The following ODR4 variants were observed in gnomAD, a reference collection of about 807,000 sequenced individuals.
The protein encoded by ODR4 is odr-4 GPCR localization factor homolog.
A neutral mutation model predicts 60.2 loss-of-function variants in ODR4; 47 were observed. The observed-to-expected ratio is 0.78, with a 90% CI of 0.62 to 1.00. ODR4 has a LOEUF of 1.00. Ranked by LOEUF, ODR4 falls within the 50% of genes least tolerant of loss-of-function variation. The pLI is 0.00. For missense variants in ODR4, 488 were observed against 530.8 expected, an observed-to-expected ratio of 0.92 and a Z score of 0.79; for synonymous variants, 178 against 175.5, an observed-to-expected ratio of 1.01 and a Z score of -0.11.
In ODR4 at chr1:186,389,642, TA is replaced by T; in HGVS notation, c.474+21del. On this transcript the variant is annotated intron_variant, in intron 6 of 13. Coordinates refer to ENST00000287859, the MANE Select transcript of ODR4 (RefSeq NM_017847.6). Reference sequence around the variant, plus strand: ...ATCCAAAGGTAAGAAATTTACTCTTTAAAGATTTTTCTGTGTCACAAAGTAT... The same window carrying T: ...ATCCAAAGGTAAGAAATTTACTCTTTAAGATTTTTCTGTGTCACAAAGTAT... 6.8e-7 allele frequency: 1 copy of T among 1,460,896 alleles called. No homozygotes were observed. The highest frequency in any genetic ancestry group is 9.3e-7 in the Non-Finnish European group (1 of 1,078,654). The allele number at this position is 1,460,896 out of a possible 1,614,324, so 90.5% of individuals were successfully genotyped here. A position where few individuals can be genotyped will look rare whatever the true frequency, so the allele number is the denominator to read the frequency against.
chr1:186,390,044 G>A (rs1307418352), intron 6 of ODR4, among the ~76,000 whole-genome samples: 1 of 152,156 alleles, frequency 6.6e-6, no homozygotes, highest in African/African-American at 2.4e-5. Context: ...GGGCTCAAGT[G>A]ATCTGCCTGT....
At chr1:186,413,909 G>T (rs1416718803) in intron 12 of ODR4, among the ~76,000 whole-genome samples, 1 of 152,088 alleles carries the variant, frequency 6.6e-6, no homozygotes, top group Non-Finnish European at 1.5e-5. Context: ...CACAGCCCTT[G>T]TTTTCTCTCT....
chr1:186,386,012 CT>C lies in ODR4; in HGVS notation c.263del (p.Leu88Ter). On this transcript the variant is annotated frameshift_variant, in exon 4 of 14. Coordinates refer to ENST00000287859, the MANE Select transcript of ODR4 (RefSeq NM_017847.6). LOFTEE classifies it high-confidence loss of function. ...GGTATCCAGAATGCTACCAGGGGGA[CT>C]TTTAGTTCTTGGAGTATTTATTATT... ...CQVSRMLPGGLLVLGVFIITT... is the reference protein window; with the variant it reads ...CQVSRMLPGGXLVLGVFIITT... The C allele has an allele frequency of 6.2e-7, 1 of 1,602,286 alleles. No individual in the cohort carries two copies. Among genetic ancestry groups the C allele is most frequent in the Non-Finnish European group, 8.5e-7 (1 of 1,172,378 alleles).
At chr1:186,427,453 C>A in the ODR4 span, among the ~76,000 whole-genome samples, 1 of 152,122 alleles carries the variant, frequency 6.6e-6, no homozygotes, top group Non-Finnish European at 1.5e-5. Context: ...ATCATGATAT[C>A]GCACCAATTT....
At chr1:186,431,896 G>A in the ODR4 span, among the ~76,000 whole-genome samples, 23 of 152,282 alleles carry the variant, frequency 1.5e-4, no homozygotes, top group East Asian at 3.1e-3. Flanking sequence ...CAAGCTGGGA[G>A]TGGGCAGGAA....
At chr1:186,403,943 C>T (rs1661080487) in intron 11 of ODR4, among the ~76,000 whole-genome samples, 1 of 152,164 alleles carries the variant, frequency 6.6e-6, no homozygotes, top group Non-Finnish European at 1.5e-5. Flanking sequence ...TGATTCCACT[C>T]TCTGAATGGC....
At position 186,375,932 on chromosome 1, in the gene ODR4, G is replaced by T. The variant is rs111555426; in HGVS notation, c.-62G>T. On this transcript the variant is annotated 5_prime_UTR_variant, in exon 1 of 14. Coordinates refer to ENST00000287859, the MANE Select transcript of ODR4 (RefSeq NM_017847.6). ...AACCCCCATCTCCGGCGGAGAGACC[G>T]TCCGAGGTAATTGTCTGCCACGAGT... The T allele has an allele frequency of 5.1e-3, 1,107 of 216,288 alleles. 20 individuals carry two copies. Among genetic ancestry groups the T allele is most frequent in the African/African-American group, 0.024 (1,057 of 44,554 alleles). The allele number at this position is 216,288 out of a possible 1,614,324, so 13.4% of individuals were successfully genotyped here.
intron 12 of ODR4, among the ~76,000 whole-genome samples, chr1:186,412,333 T>C (rs2102085483): frequency 6.6e-6 from 1 of 152,292 alleles, no homozygotes; most frequent in African/African-American, 2.4e-5. Flanking sequence ...AGAGGCACTG[T>C]CTCTGTAAGG....
rs753736780 is a variant in ODR4, at chr1:186,389,606, T to C, written c.456T>C (p.Tyr152=). The C allele has an allele frequency of 2.6e-6, 4 of 1,539,716 alleles. No individual in the cohort carries two copies. The highest frequency in any genetic ancestry group is 1.4e-5 in the African/African-American group (1 of 71,970). The part of the protein sequence containing the change: ...ASTKKIFCRT[Y]DIHDPKSSAR... ...AGTGAAGAATATTTTGTCGAACTTATGATATCCATGATCCAAAGGTAAGAA... is the reference window on the plus strand; with the variant it reads ...AGTGAAGAATATTTTGTCGAACTTACGATATCCATGATCCAAAGGTAAGAA... The change falls in exon 6 of 14, where the codon TAT becomes TAC. Residue 152 remains tyrosine (Y), a synonymous_variant. Transcript: ENST00000287859.
chr1:186,383,268 G>A, intron 3 of ODR4, 112 bp downstream of exon 3: 1 of 1,189,240 alleles, frequency 8.4e-7, no homozygotes, highest in Non-Finnish European at 1.1e-6. Context: ...AGTAGCTAAA[G>A]ATGACTGAGA....
At chr1:186,393,798 A>C in intron 8 of ODR4, 149 bp from the exon 9 acceptor site, 2 of 586,932 alleles carry the variant, frequency 3.4e-6, no homozygotes, top group Non-Finnish European at 6.1e-6. Flanking sequence ...CAGAATACAT[A>C]AAGTAATATC....
Position 186,389,642 on chromosome 1 carries a change from T to C in ODR4, c.474+18T>C, listed in dbSNP as rs1199401308. The C allele has an allele frequency of 2.1e-6, 3 of 1,460,896 alleles. No homozygotes were observed. The East Asian group carries it at 7.2e-5, about 35-fold the overall frequency. 90.5% of individuals were successfully genotyped at this position (1,460,896 alleles called of 1,614,324 possible). A position where few individuals can be genotyped will look rare whatever the true frequency, so the allele number is the denominator to read the frequency against. Reference sequence around the variant, plus strand: ...ATCCAAAGGTAAGAAATTTACTCTTTAAAGATTTTTCTGTGTCACAAAGTA... The same window carrying C: ...ATCCAAAGGTAAGAAATTTACTCTTCAAAGATTTTTCTGTGTCACAAAGTA... On this transcript the variant is annotated intron_variant, in intron 6 of 13. Coordinates refer to ENST00000287859, the MANE Select transcript of ODR4 (RefSeq NM_017847.6).
At chr1:186,386,124 T>A in intron 4 of ODR4, 41 bp downstream of exon 4, 1 of 1,175,234 alleles carries the variant, frequency 8.5e-7, no homozygotes, top group Non-Finnish European at 1.2e-6. Flanking sequence ...AAATCAGTTA[T>A]ATGTTATTTT....
chr1:186,418,106 G>C (rs947906205), intron 13 of ODR4, among the ~76,000 whole-genome samples: 2 of 152,126 alleles, frequency 1.3e-5, no homozygotes, highest in African/African-American at 4.8e-5. Flanking sequence ...GGAACATGCA[G>C]ACTATTGTTT....
chr1:186,391,500 CTA>C (rs1374511320), intron 7 of ODR4, among the ~76,000 whole-genome samples, 194 bp from the exon 8 acceptor site: 1 of 150,938 alleles, frequency 6.6e-6, no homozygotes, highest in East Asian at 2.0e-4. Flanking sequence ...CAGAAAATAA[CTA>C]TTATTAAATA....
At chr1:186,396,647 A>G (rs964758696) in intron 9 of ODR4, among the ~76,000 whole-genome samples, 7 of 151,970 alleles carry the variant, frequency 4.6e-5, no homozygotes, top group Non-Finnish European at 4.4e-5. Context: ...AACCAAAAAA[A>G]TACCTCTTTT....
At chr1:186,404,560 A>G (rs575585663) in intron 11 of ODR4, among the ~76,000 whole-genome samples, 2 of 152,342 alleles carry the variant, frequency 1.3e-5, no homozygotes, top group East Asian at 1.9e-4. Context: ...ATAAAATAAT[A>G]TAGTCCTAAT....
chr1:186,379,310 G>A (rs564415467), intron 1 of ODR4, among the ~76,000 whole-genome samples: 9 of 152,080 alleles, frequency 5.9e-5, no homozygotes, highest in Admixed American at 4.6e-4. Context: ...GGGCATGGTC[G>A]TGAGCCCCTG....
chr1:186,429,740 G>A, the ODR4 span, among the ~76,000 whole-genome samples: 2 of 151,966 alleles, frequency 1.3e-5, no homozygotes, highest in African/African-American at 2.4e-5. Flanking sequence ...CATTATGTTT[G>A]CTGACTCTTA....
Sources: allele counts gnomAD v4.1 joint callset (sites outside exome capture counted in the v4.1 genomes callset), GRCh38; gene constraint gnomAD v4.1.1; transcripts MANE v1.5; gene names NCBI Gene and HGNC (gene_info 2026-07-23, HGNC 2026-07-21).